RSBN1: variants seen among roughly 807,000 people sequenced by gnomAD.
RSBN1 encodes the protein round spermatid basic protein 1.
In RSBN1, 23 loss-of-function variants were observed where a neutral mutation model predicts 74.8. The ratio of observed to expected loss-of-function variants is 0.31; its 90% CI spans 0.22 to 0.44. RSBN1 has a LOEUF of 0.44. Ranked by LOEUF, RSBN1 falls within the 20% of genes least tolerant of loss-of-function variation. The pLI is 1.00. For synonymous variants in RSBN1, 407 were observed against 379.6 expected (o/e 1.07, Z -0.84); for missense variants, 808 against 1,020.9 (o/e 0.79, Z 2.84).
At chr1:113,788,993 G>C (rs568995622) in intron 2 of RSBN1, among the ~76,000 whole-genome samples, 3 of 152,044 alleles carry the variant, frequency 2.0e-5, no homozygotes, top group African/African-American at 7.3e-5. Flanking sequence ...GTGTGATATT[G>C]TGCAATATGT....
Position 113,797,930 on chromosome 1 carries a change from G to T in RSBN1, c.810C>A (p.Arg270=), listed in dbSNP as rs1373930479. ...KKHREDMRGR[R]LKMYNKEVQT... ...GTACTTCCTTATTGTACATTTTAAGGCGTCTTCCTCGCATGTCTTCTCGGT... is the reference window on the plus strand; with the variant it reads ...GTACTTCCTTATTGTACATTTTAAGTCGTCTTCCTCGCATGTCTTCTCGGT... The change falls in exon 2 of 7, where the codon CGC becomes CGA. Residue 270 remains arginine (R), a synonymous_variant. Coordinates refer to ENST00000261441, the MANE Select transcript of RSBN1 (RefSeq NM_018364.5). 20 of 1,613,050 alleles carry T rather than the reference G, an allele frequency of 1.2e-5. No individual in the cohort carries two copies. Among genetic ancestry groups the T allele is most frequent in the African/African-American group, 2.7e-5 (2 of 74,596 alleles).
intron 2 of RSBN1, among the ~76,000 whole-genome samples, chr1:113,788,512 T>C (rs1415939093): frequency 1.3e-5 from 2 of 152,114 alleles, no homozygotes; most frequent in South Asian, 2.1e-4. Flanking sequence ...TCAGACATTC[T>C]GTAGTAGAAA....
intron 1 of RSBN1, among the ~76,000 whole-genome samples, chr1:113,800,971 T>C (rs545745264): frequency 1.3e-5 from 2 of 151,912 alleles, no homozygotes; most frequent in East Asian, 1.9e-4. Context: ...TTCTCACTAA[T>C]CCTGTTTTTC....
rs1660062419 is a variant in RSBN1 at position 113,777,951 on chromosome 1, G to A, written c.1378-143C>T. 4.4e-6 allele frequency: 3 copies of A among 679,442 alleles called. No individual in the cohort carries two copies. The South Asian group carries it at 1.4e-4, about 33-fold the overall frequency. 42.1% of individuals were successfully genotyped at this position (679,442 alleles called of 1,614,324 possible). ...GGTCAATACCTTGAATAAAGTCAGA[G>A]AGGCACCCAAGCACACTGACAAATA... On this transcript the variant is annotated intron_variant, in intron 2 of 6. Transcript: ENST00000261441.
intron 3 of RSBN1, 87 bp from the exon 4 acceptor site, chr1:113,777,439 G>A (rs1409137069): frequency 7.5e-7 from 1 of 1,340,640 alleles, no homozygotes; most frequent in East Asian, 2.4e-5. Flanking sequence ...GTTCTAAGAA[G>A]GCTTTTTTAC....
intron 2 of RSBN1, among the ~76,000 whole-genome samples, chr1:113,793,774 A>G (rs1199944666): frequency 3.3e-5 from 5 of 151,426 alleles, no homozygotes; most frequent in Non-Finnish European, 7.4e-5. Flanking sequence ...TCCACCTCCC[A>G]GGTTCAAGCC....
chr1:113,794,550 C>A (rs1033500522), intron 2 of RSBN1, among the ~76,000 whole-genome samples: 1 of 152,164 alleles, frequency 6.6e-6, no homozygotes, highest in East Asian at 1.9e-4. Flanking sequence ...CCTCTAAGTG[C>A]CGCATTCTCA....
intron 1 of RSBN1, among the ~76,000 whole-genome samples, chr1:113,810,775 A>C (rs1297929508): frequency 6.6e-6 from 1 of 152,224 alleles, no homozygotes; most frequent in Non-Finnish European, 1.5e-5. Flanking sequence ...GAGGAAAAAC[A>C]ACTAGTAAAT....
chr1:113,800,464 C>A (rs1660560353), intron 1 of RSBN1, among the ~76,000 whole-genome samples: 1 of 151,988 alleles, frequency 6.6e-6, no homozygotes. Context: ...AGGCAATTCT[C>A]CCAAGCAACT....
At chr1:113,796,650 T>C (rs998787828) in intron 2 of RSBN1, among the ~76,000 whole-genome samples, 1 of 152,290 alleles carries the variant, frequency 6.6e-6, no homozygotes, top group Non-Finnish European at 1.5e-5. Context: ...TAGCTGACCA[T>C]TTATATTCAA....
intron 2 of RSBN1, among the ~76,000 whole-genome samples, chr1:113,780,149 T>C (rs1419072586): frequency 6.6e-6 from 1 of 152,220 alleles, no homozygotes; most frequent in East Asian, 1.9e-4. Context: ...CCTAAAGACC[T>C]ATCATGATCT....
intron 2 of RSBN1, among the ~76,000 whole-genome samples, 166 bp downstream of exon 2, chr1:113,797,197 T>C (rs1185699255): frequency 6.6e-6 from 1 of 152,118 alleles, no homozygotes; most frequent in African/African-American, 2.4e-5. Context: ...CCACCCGAAC[T>C]CAGTAATTAA....
intron 4 of RSBN1, among the ~76,000 whole-genome samples, chr1:113,772,660 T>C (rs561457627): frequency 6.6e-6 from 1 of 152,300 alleles, no homozygotes; most frequent in South Asian, 2.1e-4. Flanking sequence ...TTTCCACAAG[T>C]TTTCACTAAC....
intron 1 of RSBN1, among the ~76,000 whole-genome samples, chr1:113,807,227 TCG>T (rs1660722386): frequency 6.7e-6 from 1 of 148,914 alleles, no homozygotes; most frequent in Admixed American, 6.8e-5. Context: ...CATAGGAGAA[TCG>T]CCTGAACCCA....
chr1:113,796,384 G>GT (rs1288318674), intron 2 of RSBN1: 1 of 152,070 alleles, frequency 6.6e-6, no homozygotes, highest in African/African-American at 2.4e-5. Flanking sequence ...GGCAAAGATG[G>GT]TAAGACTCAC....
In RSBN1 at chr1:113,811,872, C is replaced by T. The variant is rs1210606491; in HGVS notation, c.541G>A (p.Ala181Thr). 6.2e-6 allele frequency: 10 copies of T among 1,613,026 alleles called. No homozygotes were observed. The highest frequency in any genetic ancestry group is 8.5e-6 in the Non-Finnish European group (10 of 1,179,768). ...FTFSPLTVSA[A>T]GPKHKGHKER... ...TTGTGGCCCTTATGCTTGGGCCCGG[C>T]CGCGCTCACCGTCAGAGGCGAGAAG... The change falls in exon 1 of 7, where the codon GCC (alanine) becomes ACC (threonine). Residue 181 changes from alanine (A) to threonine (T), a missense_variant. This residue lies in a region of RSBN1 where 464 missense variants were observed against 401.0 expected (regional missense o/e 1.16). Transcript: ENST00000261441.
Position 113,777,706 on chromosome 1 carries a change from A to G in RSBN1, c.1480T>C (p.Phe494Leu). The G allele has an allele frequency of 1.9e-6, 3 of 1,611,168 alleles. No homozygotes were observed. Among genetic ancestry groups the G allele is most frequent in the Non-Finnish European group, 2.5e-6 (3 of 1,178,038 alleles). Residue 494 changes from phenylalanine (F) to leucine (L), a missense_variant, in exon 3 of 7, where the codon TTC becomes CTC. Around this residue, in one of 6 missense-constraint regions of RSBN1, gnomAD observed 112 missense variants for 257.3 expected, o/e 0.44. Transcript: ENST00000261441. Reference protein sequence around the residue: ...DEEVGDYFPEFLDMLEESPFL... With the variant: ...DEEVGDYFPELLDMLEESPFL... ...GGTGATTCTTCTAACATATCAAGGAACTCTGGGAAATAATCACCAACTTCT... is the reference window on the plus strand; with the variant it reads ...GGTGATTCTTCTAACATATCAAGGAGCTCTGGGAAATAATCACCAACTTCT...
Position 113,811,649 on chromosome 1 carries a change from T to C in RSBN1, c.703+61A>G. 1.3e-5 allele frequency: 19 copies of C among 1,516,374 alleles called. No homozygotes were observed. The South Asian group carries it at 1.3e-4, about 10-fold the overall frequency. The allele number at this position is 1,516,374 out of a possible 1,614,324, so 93.9% of individuals were successfully genotyped here. Reference sequence around the variant, plus strand: ...GTTTGGCGTCTTTCAGTCCTAAAGATGCGGGATATCGGAACTGAGAGAGAC... The same window carrying C: ...GTTTGGCGTCTTTCAGTCCTAAAGACGCGGGATATCGGAACTGAGAGAGAC... On this transcript the variant is annotated intron_variant, in intron 1 of 6. Transcript: ENST00000261441.
At position 113,800,456 on chromosome 1, in the gene RSBN1, G is replaced by A. The variant is rs1400664637; in HGVS notation, c.704-2420C>T. ...CCCCAATATCAAATCAGTAATTTAG[G>A]CAATTCTCCCAAGCAACTAAATGTT... On this transcript the variant is annotated intron_variant, in intron 1 of 6. Coordinates refer to ENST00000261441, the MANE Select transcript of RSBN1 (RefSeq NM_018364.5). Among the ~76,000 whole-genome samples the A allele has an allele frequency of 2.0e-5, 3 of 151,772 alleles. No homozygotes were observed. The East Asian group carries it at 5.8e-4, about 29-fold the overall frequency.
Sources: allele counts gnomAD v4.1 joint callset (sites outside exome capture counted in the v4.1 genomes callset), GRCh38; gene constraint gnomAD v4.1.1; regional missense constraint gnomAD v4.1.1; transcripts MANE v1.5; gene names NCBI Gene and HGNC (gene_info 2026-07-23, HGNC 2026-07-21).